The following SYT12 variants were observed in gnomAD, a reference collection of about 807,000 sequenced individuals.
SYT12 encodes the protein synaptotagmin-12.
Under a neutral mutation model 39.5 loss-of-function variants are expected in SYT12, and 27 were observed. The observed-to-expected ratio is 0.68, with a 90% confidence interval of 0.50 to 0.94. The LOEUF (loss-of-function observed/expected upper bound fraction) is 0.94. Ranked by LOEUF, SYT12 falls within the 40% of genes least tolerant of loss-of-function variation. The probability of loss-of-function intolerance (pLI) is 0.00; values close to 1 mark genes in which losing one functional copy is unlikely to be tolerated. For missense variants in SYT12, 536 were observed against 572.6 expected, an observed-to-expected ratio of 0.94 and a Z score of 0.65; for synonymous variants, 233 against 239.7, an observed-to-expected ratio of 0.97 and a Z score of 0.26.
chr11:67,017,645 C>T (rs1950068543), intron 3 of SYT12, among the ~76,000 whole-genome samples: 1 of 147,990 alleles, frequency 6.8e-6, no homozygotes, highest in South Asian at 2.3e-4. Context: ...CAGGAGTGAG[C>T]CACCTCGCCC....
Position 67,026,681 on chromosome 11 carries a change from A to G in SYT12, c.-24+3221A>G, listed in dbSNP as rs546933158. On this transcript the variant is annotated intron_variant, in intron 1 of 7. Coordinates refer to ENST00000527043, the MANE Select transcript of SYT12 (RefSeq NM_177963.4). ...TTTTTTTTTGAGGCACAGTCTCACT[A>G]TGTTGTCCAGACTGGTTTTGAACTC... 7 of 151,884 alleles carry G rather than the reference A, an allele frequency of 4.6e-5. No homozygotes were observed. In the East Asian group the frequency reaches 9.7e-4, roughly 21 times the overall value. 9.4% of individuals were successfully genotyped at this position (151,884 alleles called of 1,614,324 possible). A position where few individuals can be genotyped will look rare whatever the true frequency, so the allele number is the denominator to read the frequency against.
In SYT12 at chr11:67,048,578, C is replaced by T. The variant is rs1301004027; in HGVS notation, c.1093-6C>T. 4 of 1,592,102 alleles carry T rather than the reference C, an allele frequency of 2.5e-6. No individual in the cohort carries two copies. Among genetic ancestry groups the T allele is most frequent in the Non-Finnish European group, 3.4e-6 (4 of 1,162,140 alleles). ...GTCCTCAGCACCCATGTTGCCTCTT[C>T]CTCAGGACCTGTCTCTCCGCGTGAC... is the stretch of plus-strand genomic sequence containing the variant. On this transcript the variant is annotated splice_polypyrimidine_tract_variant and splice_region_variant and intron_variant, in intron 7 of 7. Coordinates refer to ENST00000527043, the MANE Select transcript of SYT12 (RefSeq NM_177963.4).
At chr11:67,044,359 C>A (rs1206569131) in intron 5 of SYT12, among the ~76,000 whole-genome samples, 1 of 152,176 alleles carries the variant, frequency 6.6e-6, no homozygotes, top group Non-Finnish European at 1.5e-5. Context: ...CCAGGCAGGA[C>A]CCTCCCGGTG....
chr11:67,012,496 G>A (rs1297108575), intron 3 of SYT12, among the ~76,000 whole-genome samples: 1 of 152,176 alleles, frequency 6.6e-6, no homozygotes, highest in Non-Finnish European at 1.5e-5. Context: ...ACACTGCCTT[G>A]TCACTTCTTG....
At chr11:67,022,768 AGAT>A (rs1045773562), upstream of SYT12, 7 of 152,212 alleles carry the variant, frequency 4.6e-5, no homozygotes, top group African/African-American at 1.7e-4. Context: ...GTGAGGACTG[AGAT>A]GATGTTGTAA....
At chr11:67,044,557 G>T in intron 5 of SYT12, 36 bp from the exon 6 acceptor site, 1 of 1,603,960 alleles carries the variant, frequency 6.2e-7, no homozygotes, top group South Asian at 1.1e-5. Context: ...AAGTCGGGTG[G>T]GGAGAAGCCC....
At position 67,023,704 on chromosome 11, in the gene SYT12, C is replaced by T. The variant is rs1021236747; in HGVS notation, c.-24+244C>T. The stretch of plus-strand genomic sequence containing the variant: ...ATCGCACGCCCCGCATGTGCACACA[C>T]GCGGCTCACCCGGCCATTTACACGC... On this transcript the variant is annotated intron_variant, in intron 1 of 7. Transcript: ENST00000527043. Among the ~76,000 whole-genome samples the T allele has an allele frequency of 1.9e-4, 29 of 152,240 alleles. 1 individual carries two copies. Among genetic ancestry groups the T allele is most frequent in the Non-Finnish European group, 1.6e-4 (11 of 68,034 alleles).
intron 3 of SYT12, among the ~76,000 whole-genome samples, chr11:67,017,063 A>G (rs566550640): frequency 4.6e-5 from 7 of 152,360 alleles, no homozygotes; most frequent in Non-Finnish European, 1.0e-4. Context: ...TATACCAGGC[A>G]TGAGCTCCTT....
intron 3 of SYT12, 59 bp downstream of exon 3, chr11:67,034,897 C>T: frequency 2.2e-6 from 3 of 1,364,770 alleles, no homozygotes; most frequent in South Asian, 1.6e-5. Context: ...CTACCATCCA[C>T]TCAGATCAGT....
intron 4 of SYT12, among the ~76,000 whole-genome samples, chr11:67,042,232 T>C (rs1242350850): frequency 6.6e-6 from 1 of 152,134 alleles, no homozygotes; most frequent in Non-Finnish European, 1.5e-5. Flanking sequence ...GAGGAAGAGA[T>C]GGGTTAATGT....
In SYT12 at chr11:67,048,745, C is replaced by G; in HGVS notation, c.1254C>G (p.Val418=). The change falls in exon 8 of 8, where the codon GTC becomes GTG. Residue 418 remains valine (V), a synonymous_variant. Transcript: ENST00000527043. ...GGCCCGTGTCCATGTGGCACGCTGT[C>G]CGGCGAAACTAGCAACCAGGGCGGG... ...LRRPVSMWHA[V]RRN 5 of 1,594,536 alleles carry G rather than the reference C, an allele frequency of 3.1e-6. No individual in the cohort carries two copies. The highest frequency in any genetic ancestry group is 4.3e-6 in the Non-Finnish European group (5 of 1,164,448).
At chr11:67,016,049 G>A (rs563839332) in intron 3 of SYT12, among the ~76,000 whole-genome samples, 2 of 152,284 alleles carry the variant, frequency 1.3e-5, no homozygotes, top group Non-Finnish European at 2.9e-5. Flanking sequence ...GGGAGGCTGG[G>A]GTGGGCAGAT....
At chr11:67,020,470 G>C (rs1211642777), upstream of SYT12, among the ~76,000 whole-genome samples, 1 of 152,178 alleles carries the variant, frequency 6.6e-6, no homozygotes, top group African/African-American at 2.4e-5. Flanking sequence ...TATCACACAT[G>C]CACAAAAGTG....
chr11:67,023,130 G>C (rs1950131020), upstream of SYT12, among the ~76,000 whole-genome samples: 1 of 152,198 alleles, frequency 6.6e-6, no homozygotes, highest in African/African-American at 2.4e-5. Context: ...GGACGCGCTT[G>C]GGGATCTCCG....
Position 67,044,658 on chromosome 11 carries a change from C to G in SYT12, c.903C>G (p.Thr301=). The G allele has an allele frequency of 6.2e-7, 1 of 1,613,680 alleles. No individual in the cohort carries two copies. The highest frequency in any genetic ancestry group is 1.1e-5 in the South Asian group (1 of 91,076). Residue 301 remains threonine, a synonymous_variant, in exon 6 of 8, where the codon ACC becomes ACG. Coordinates refer to ENST00000527043, the MANE Select transcript of SYT12 (RefSeq NM_177963.4). ...LSYLPTAERL[T]VVVVKAKNLI... is the part of the protein sequence containing the mutation. ...ACCTCCCCACAGCCGAGCGCCTCAC[C>G]GTGGTCGTGGTTAAGGCCAAGAACC...
chr11:67,039,562 C>T (rs985802775), intron 3 of SYT12, among the ~76,000 whole-genome samples: 8 of 151,794 alleles, frequency 5.3e-5, no homozygotes, highest in South Asian at 2.1e-4. Context: ...TGCAGTGAGC[C>T]GAGATCACGC....
chr11:67,034,484 A>G (rs1950322216), intron 2 of SYT12, among the ~76,000 whole-genome samples, 161 bp from the exon 3 acceptor site: 1 of 152,238 alleles, frequency 6.6e-6, no homozygotes, highest in Non-Finnish European at 1.5e-5. Context: ...GTCCCAAGCA[A>G]CACAGGAAAG....
chr11:67,043,890 G>A (rs375097083), intron 5 of SYT12, 37 bp downstream of exon 5: 26 of 1,580,512 alleles, frequency 1.6e-5, no homozygotes, highest in East Asian at 4.5e-5. Flanking sequence ...TCGGAAGAGC[G>A]TGCACACACA....
upstream of SYT12, among the ~76,000 whole-genome samples, chr11:67,020,737 C>T (rs149052602): frequency 6.6e-6 from 1 of 152,008 alleles, no homozygotes; most frequent in Admixed American, 6.6e-5. Context: ...TGAGATTCAC[C>T]CACCATTTTT....
Sources: allele counts gnomAD v4.1 joint callset (sites outside exome capture counted in the v4.1 genomes callset), GRCh38; gene constraint gnomAD v4.1.1; transcripts MANE v1.5; gene names NCBI Gene and HGNC (gene_info 2026-07-23, HGNC 2026-07-21).